The following PDZD2 variants were observed in gnomAD, a reference collection of about 807,000 sequenced individuals.
PDZD2 encodes PDZ domain-containing protein 2.
PDZD2 carries 90 observed loss-of-function variants against 220.7 expected under a neutral mutation model. The observed-to-expected ratio is 0.41, with a 90% CI of 0.34 to 0.49. The LOEUF is 0.49. Among genes scored for constraint, PDZD2 ranks in the 20% least tolerant of loss-of-function variants. PDZD2 has a pLI of 0.28. For synonymous variants in PDZD2, 1,375 were observed against 1,450.5 expected (o/e 0.95, Z 1.18); for missense variants, 3,174 against 3,608.5 (o/e 0.88, Z 3.08).
intron 23 of PDZD2, 84 bp from the exon 24 acceptor site, chr5:32,101,021 G>C: frequency 1.3e-6 from 2 of 1,595,096 alleles, no homozygotes; most frequent in South Asian, 1.1e-5. Context: ...CATGGGGCTG[G>C]AGGCGATGCA....
At chr5:32,086,970 T>TG (rs1252352174) in intron 19 of PDZD2, among the ~76,000 whole-genome samples, 161 bp from the exon 20 acceptor site, 2 of 151,468 alleles carry the variant, frequency 1.3e-5, no homozygotes, top group Non-Finnish European at 2.9e-5. Flanking sequence ...ATTACAAGCA[T>TG]GCGCCACCAC....
At chr5:31,849,979 CATATATATATATACACATATATATATAT>C (rs1757889630) in intron 2 of PDZD2, among the ~76,000 whole-genome samples, 21 of 29,826 alleles carry the variant, frequency 7.0e-4, no homozygotes, top group South Asian at 9.7e-4. Context: ...TATATATATA[CATATATATATATACACATATATATATAT>C]ACACACACAC....
intron 1 of PDZD2, among the ~76,000 whole-genome samples, chr5:31,689,354 T>TATATATATATA (rs1554063278): frequency 0.013 from 348 of 27,144 alleles, 1 homozygote; most frequent in East Asian, 0.041. Flanking sequence ...TATATATATA[T>TATATATATATA]TTTTTTTTTT....
intron 1 of PDZD2, among the ~76,000 whole-genome samples, chr5:31,689,288 TAC>T (rs137945107): frequency 0.39 from 29,139 of 74,960 alleles, 3,848 homozygotes; most frequent in East Asian, 0.53. Flanking sequence ...TATATATACA[TAC>T]ATATACATAT....
At chr5:31,902,901 T>G (rs1170268003) in intron 2 of PDZD2, among the ~76,000 whole-genome samples, 2 of 151,696 alleles carry the variant, frequency 1.3e-5, no homozygotes, top group Non-Finnish European at 2.9e-5. Context: ...TATTAAGGGC[T>G]TTATTTCTTT....
intron 2 of PDZD2, among the ~76,000 whole-genome samples, chr5:31,951,797 G>A (rs1186950304): frequency 6.6e-6 from 1 of 152,178 alleles, no homozygotes; most frequent in African/African-American, 2.4e-5. Context: ...GCTCTTGTAT[G>A]TGATCACTGC....
intron 3 of PDZD2, among the ~76,000 whole-genome samples, chr5:31,984,616 C>T (rs576027193): frequency 3.2e-4 from 48 of 152,280 alleles, no homozygotes; most frequent in African/African-American, 1.2e-3. Flanking sequence ...GTAGTCCCAG[C>T]ATCTTGGGAG....
chr5:31,964,481 G>A (rs1748534649), intron 2 of PDZD2, among the ~76,000 whole-genome samples: 8 of 152,192 alleles, frequency 5.3e-5, no homozygotes, highest in Admixed American at 5.2e-4. Flanking sequence ...CTAATCGGAA[G>A]GGGCCTTTTT....
chr5:31,778,087 C>T (rs763119288), intron 1 of PDZD2, among the ~76,000 whole-genome samples: 1 of 152,118 alleles, frequency 6.6e-6, no homozygotes, highest in Non-Finnish European at 1.5e-5. Context: ...CCAATCAGTG[C>T]TCTGTGTCTA....
intron 10 of PDZD2, among the ~76,000 whole-genome samples, chr5:32,055,408 G>A (rs1739003851): frequency 6.6e-6 from 1 of 152,000 alleles, no homozygotes; most frequent in South Asian, 2.1e-4. Flanking sequence ...TGTTACCCAG[G>A]CTGATCTCGA....
At chr5:31,965,959 GTCCTC>G (rs1450554619) in intron 2 of PDZD2, among the ~76,000 whole-genome samples, 45 of 152,272 alleles carry the variant, frequency 3.0e-4, no homozygotes, top group African/African-American at 9.1e-4. Flanking sequence ...AGTGGGGCAA[GTCCTC>G]CTTGGGTTGT....
At chr5:31,987,646 A>G (rs574075339) in intron 3 of PDZD2, among the ~76,000 whole-genome samples, 20 of 152,168 alleles carry the variant, frequency 1.3e-4, no homozygotes, top group Non-Finnish European at 2.1e-4. Context: ...CATCTTGGAT[A>G]TATTTCACAT....
chr5:32,087,071 C>T lies in PDZD2; in HGVS notation c.3683-60C>T. Reference sequence around the variant, plus strand: ...GAGGGGCTGCTTTCTTATATTATCCCTTTTATCTCCCCTACAACCTCTCCT... The same window carrying T: ...GAGGGGCTGCTTTCTTATATTATCCTTTTTATCTCCCCTACAACCTCTCCT... On this transcript the variant is annotated intron_variant, in intron 19 of 24. Coordinates refer to ENST00000438447, the MANE Select transcript of PDZD2 (RefSeq NM_178140.4). The surrounding 1 kb of genome is among the most constrained non-coding windows in gnomAD (Gnocchi z 4.0). 1 of 895,716 alleles carries T rather than the reference C, an allele frequency of 1.1e-6. No individual in the cohort carries two copies. Among genetic ancestry groups the T allele is most frequent in the East Asian group, 2.5e-5 (1 of 40,478 alleles). The allele number at this position is 895,716 out of a possible 1,614,324, so 55.5% of individuals were successfully genotyped here.
At chr5:31,960,782 TC>T (rs772570503) in intron 2 of PDZD2, among the ~76,000 whole-genome samples, 3 of 152,246 alleles carry the variant, frequency 2.0e-5, no homozygotes, top group Admixed American at 1.3e-4. Context: ...GTTGTTTTTT[TC>T]ATTTACGTAA....
At chr5:31,827,873 C>G (rs1226185908) in intron 2 of PDZD2, among the ~76,000 whole-genome samples, 1 of 151,978 alleles carries the variant, frequency 6.6e-6, no homozygotes, top group Non-Finnish European at 1.5e-5. Context: ...AGACACATAC[C>G]TATTACAGGG....
intron 1 of PDZD2, chr5:31,725,889 T>G: frequency 1.4e-6 from 1 of 740,090 alleles, no homozygotes; most frequent in Non-Finnish European, 2.5e-6. Context: ...TTTCTAGGAC[T>G]ATACAATCTC....
chr5:32,077,610 A>G lies in PDZD2; in HGVS notation c.3682+4A>G, dbSNP rs1432929583. 3.1e-6 allele frequency: 5 copies of G among 1,613,826 alleles called. No homozygotes were observed. The highest frequency in any genetic ancestry group is 4.2e-6 in the Non-Finnish European group (5 of 1,179,938). ...CTGGGGCAACAACCCATGACTGGTAAGATTATTTTCCCATTTGTTAATCTT... is the reference window on the plus strand; with the variant it reads ...CTGGGGCAACAACCCATGACTGGTAGGATTATTTTCCCATTTGTTAATCTT... On this transcript the variant is annotated splice_donor_region_variant and intron_variant, in intron 19 of 24. Coordinates refer to ENST00000438447, the MANE Select transcript of PDZD2 (RefSeq NM_178140.4).
chr5:31,851,314 A>C (rs1758046391), intron 2 of PDZD2, among the ~76,000 whole-genome samples: 1 of 152,122 alleles, frequency 6.6e-6, no homozygotes, highest in Non-Finnish European at 1.5e-5. Context: ...TTTCCTGTCA[A>C]ACTCCCACCA....
intron 5 of PDZD2, among the ~76,000 whole-genome samples, chr5:32,002,824 CAT>C (rs1752314645): frequency 1.5e-5 from 2 of 132,726 alleles, no homozygotes; most frequent in Admixed American, 7.8e-5. Flanking sequence ...ACACACCACA[CAT>C]ACATACCAAC....
Sources: gnomAD v4.1 joint callset for allele counts (sites outside exome capture counted in the v4.1 genomes callset) on GRCh38, gnomAD v4.1.1 for gene constraint, Gnocchi (gnomAD v3.1) non-coding constraint, MANE v1.5 for transcripts, NCBI Gene and HGNC (gene_info 2026-07-23, HGNC 2026-07-21) for gene names.